Variants in TLN2 observed in about 807,000 individuals in gnomAD.
TLN2 encodes talin-2.
A neutral mutation model predicts 294.7 loss-of-function variants in TLN2; 118 were observed. That is an observed-to-expected ratio of 0.40 (90% CI 0.34 to 0.47). The LOEUF (loss-of-function observed/expected upper bound fraction) is 0.47. Among genes scored for constraint, TLN2 ranks in the 20% least tolerant of loss-of-function variants. The pLI is 0.84. For missense variants in TLN2, 3,083 were observed against 3,282.2 expected, an observed-to-expected ratio of 0.94 and a Z score of 1.48; for synonymous variants, 1,431 against 1,304.5, an observed-to-expected ratio of 1.10 and a Z score of -2.09.
At chr15:62,839,751 T>C (rs571638182) in intron 58 of TLN2, among the ~76,000 whole-genome samples, 14 of 152,250 alleles carry the variant, frequency 9.2e-5, no homozygotes, top group Non-Finnish European at 1.5e-4. Flanking sequence ...ATGCACTGCA[T>C]GTATTTTTAC....
intron 55 of TLN2, chr15:62,835,162 C>G (rs111956382): frequency 0.017 from 2,656 of 153,624 alleles, 28 homozygotes; most frequent in Non-Finnish European, 0.026. Context: ...AAATGTTCTA[C>G]TTGTTGCCAT....
intron 57 of TLN2, 128 bp from the exon 58 acceptor site, chr15:62,838,728 C>G: frequency 7.9e-7 from 1 of 1,268,714 alleles, no homozygotes; most frequent in East Asian, 2.5e-5. Flanking sequence ...TCTCTGGCTA[C>G]AGAACTTGAT....
chr15:62,462,880 G>C (rs905985169), intron 1 of TLN2, among the ~76,000 whole-genome samples: 3 of 152,272 alleles, frequency 2.0e-5, no homozygotes, highest in Non-Finnish European at 4.4e-5. Context: ...AAATTGTCTG[G>C]TTCTGGGGAA....
intron 42 of TLN2, among the ~76,000 whole-genome samples, chr15:62,771,694 G>A (rs898375644): frequency 2.6e-5 from 4 of 152,200 alleles, no homozygotes; most frequent in African/African-American, 9.6e-5. Flanking sequence ...ATATGCAAAG[G>A]CATAGGTAGA....
intron 34 of TLN2, among the ~76,000 whole-genome samples, chr15:62,750,979 T>G (rs1159863777): frequency 6.6e-6 from 1 of 151,964 alleles, no homozygotes; most frequent in Admixed American, 6.6e-5. Flanking sequence ...TGAAATTGTT[T>G]TGTTTTGTTT....
At chr15:62,456,702 G>T (rs2036501218) in intron 1 of TLN2, among the ~76,000 whole-genome samples, 1 of 147,416 alleles carries the variant, frequency 6.8e-6, no homozygotes, top group Admixed American at 6.8e-5. Context: ...TTGGGAATGA[G>T]GGCTTGTCAC....
intron 7 of TLN2, among the ~76,000 whole-genome samples, chr15:62,654,706 G>C (rs899838926): frequency 8.0e-6 from 1 of 124,424 alleles, no homozygotes; most frequent in Non-Finnish European, 1.6e-5. Context: ...AGTGAACTGA[G>C]ATTGTGCCAC....
intron 27 of TLN2, among the ~76,000 whole-genome samples, 159 bp from the exon 28 acceptor site, chr15:62,726,928 G>C (rs117213071): frequency 6.6e-6 from 1 of 152,162 alleles, no homozygotes; most frequent in Non-Finnish European, 1.5e-5. Flanking sequence ...TCTAAAGCTC[G>C]GGCTCCTTCT....
intron 1 of TLN2, among the ~76,000 whole-genome samples, chr15:62,538,136 G>A (rs2041468230): frequency 6.6e-6 from 1 of 152,138 alleles, no homozygotes; most frequent in South Asian, 2.1e-4. Flanking sequence ...TGGGAGAATT[G>A]TTTGAACCCA....
At chr15:62,656,194 C>T (rs1254147811) in intron 8 of TLN2, 108 bp downstream of exon 8, 33 of 1,424,694 alleles carry the variant, frequency 2.3e-5, no homozygotes, top group Admixed American at 1.2e-4. Flanking sequence ...ACATTTATGG[C>T]GTCGTTTCCA....
At chr15:62,591,892 A>G (rs902195066) in intron 2 of TLN2, among the ~76,000 whole-genome samples, 14 of 152,060 alleles carry the variant, frequency 9.2e-5, no homozygotes, top group African/African-American at 3.1e-4. Context: ...AGGGGTGGAT[A>G]TTGTCCTTTG....
At chr15:62,478,199 A>G (rs898641080) in intron 1 of TLN2, among the ~76,000 whole-genome samples, 7 of 152,144 alleles carry the variant, frequency 4.6e-5, no homozygotes, top group African/African-American at 1.7e-4. Context: ...TGGGTCACAC[A>G]GCGAGAGTGT....
At chr15:62,471,910 C>T (rs932677753) in intron 1 of TLN2, among the ~76,000 whole-genome samples, 4 of 152,038 alleles carry the variant, frequency 2.6e-5, no homozygotes, top group Non-Finnish European at 4.4e-5. Context: ...CAGAGGGATT[C>T]CTTCTTTCTT....
At position 62,841,668 on chromosome 15, in the gene TLN2, T is replaced by C. The variant is rs989180401; in HGVS notation, c.*1058T>C. 1.3e-5 allele frequency: 2 copies of C among 151,222 alleles called. No individual in the cohort carries two copies. Among genetic ancestry groups the C allele is most frequent in the Non-Finnish European group, 2.9e-5 (2 of 68,040 alleles). 9.4% of individuals were successfully genotyped at this position (151,222 alleles called of 1,614,324 possible). ...GAACCTTTAACAAGATAGTTTTACT[T>C]ATTATCACATAAGACATAAGATGTT... On this transcript the variant is annotated 3_prime_UTR_variant, in exon 59 of 59. Coordinates refer to ENST00000636159, the MANE Select transcript of TLN2 (RefSeq NM_015059.3).
intron 1 of TLN2, among the ~76,000 whole-genome samples, chr15:62,500,648 A>T (rs2039256748): frequency 6.6e-6 from 1 of 152,218 alleles, no homozygotes. Context: ...AAGCAGAATT[A>T]TCTGAGAAAT....
intron 1 of TLN2, among the ~76,000 whole-genome samples, chr15:62,478,976 A>G (rs1460221176): frequency 2.6e-5 from 4 of 152,208 alleles, no homozygotes; most frequent in Non-Finnish European, 5.9e-5. Context: ...GTTTTAGGCA[A>G]TGGCAGATGG....
intron 57 of TLN2, among the ~76,000 whole-genome samples, chr15:62,836,527 G>A (rs1158499427): frequency 2.6e-5 from 4 of 152,186 alleles, no homozygotes; most frequent in Admixed American, 6.5e-5. Flanking sequence ...TCTCTCATAC[G>A]TTACTAACTC....
intron 1 of TLN2, among the ~76,000 whole-genome samples, chr15:62,541,690 G>A (rs971273720): frequency 6.6e-6 from 1 of 152,098 alleles, no homozygotes; most frequent in African/African-American, 2.4e-5. Flanking sequence ...CCTTTATACA[G>A]TGGGTAGCTT....
At chr15:62,591,148 A>G (rs1409132501) in intron 2 of TLN2, among the ~76,000 whole-genome samples, 2 of 152,222 alleles carry the variant, frequency 1.3e-5, no homozygotes, top group Non-Finnish European at 2.9e-5. Flanking sequence ...TAATTTTGCC[A>G]AAGAGAAAAT....
Sources: allele counts gnomAD v4.1 joint callset (sites outside exome capture counted in the v4.1 genomes callset), GRCh38; gene constraint gnomAD v4.1.1; transcripts MANE v1.5; gene names NCBI Gene and HGNC (gene_info 2026-07-23, HGNC 2026-07-21).